CSMD3: variants seen among roughly 807,000 people sequenced by gnomAD.
CSMD3 encodes the protein CUB and Sushi multiple domains 3.
CSMD3 carries 177 observed loss-of-function variants against 435.2 expected under a neutral mutation model. The observed-to-expected ratio is 0.41, with a 90% CI of 0.36 to 0.46. CSMD3 has a LOEUF of 0.46. Among genes scored for constraint, CSMD3 ranks in the 20% least tolerant of loss-of-function variants. The pLI, the probability that CSMD3 is intolerant of heterozygous loss-of-function variation, is 0.34. For missense variants in CSMD3, 4,265 were observed against 4,504.6 expected, an observed-to-expected ratio of 0.95 and a Z score of 1.52; for synonymous variants, 1,656 against 1,520.5, an observed-to-expected ratio of 1.09 and a Z score of -2.07.
chr8:112,376,952 T>G (rs550377076), intron 38 of CSMD3, among the ~76,000 whole-genome samples: 75 of 152,266 alleles, frequency 4.9e-4, no homozygotes, highest in African/African-American at 1.8e-3. Flanking sequence ...ACTCACCTAA[T>G]TACATTTGTG....
chr8:112,313,409 G>A (rs1822166210), intron 49 of CSMD3, among the ~76,000 whole-genome samples: 1 of 152,020 alleles, frequency 6.6e-6, no homozygotes, highest in Non-Finnish European at 1.5e-5. Context: ...CAAAGATTTT[G>A]ACCTCTGTAT....
At chr8:112,333,131 T>G (rs1340082891) in intron 45 of CSMD3, among the ~76,000 whole-genome samples, 1 of 152,166 alleles carries the variant, frequency 6.6e-6, no homozygotes, top group Non-Finnish European at 1.5e-5. Flanking sequence ...AATCAAGGGT[T>G]AAATGAATAT....
chr8:112,477,012 T>G (rs368057903), intron 31 of CSMD3, among the ~76,000 whole-genome samples: 19 of 152,288 alleles, frequency 1.2e-4, no homozygotes, highest in South Asian at 4.1e-4. Context: ...CATAGTAGGC[T>G]CTCCATAAAT....
At chr8:113,262,467 G>A (rs990380440) in intron 3 of CSMD3, among the ~76,000 whole-genome samples, 2 of 151,964 alleles carry the variant, frequency 1.3e-5, no homozygotes, top group Non-Finnish European at 2.9e-5. Flanking sequence ...CATGAGTGCA[G>A]GTGGAATTAT....
At chr8:112,488,432 C>A (rs538030107) in intron 31 of CSMD3, among the ~76,000 whole-genome samples, 5 of 152,240 alleles carry the variant, frequency 3.3e-5, no homozygotes, top group Non-Finnish European at 7.4e-5. Context: ...TAAGAGTCTG[C>A]AGAATATGAT....
At chr8:113,392,906 C>T (rs2133162015) in intron 1 of CSMD3, among the ~76,000 whole-genome samples, 1 of 151,490 alleles carries the variant, frequency 6.6e-6, no homozygotes, top group East Asian at 1.9e-4. Flanking sequence ...ATACTCCTTC[C>T]AATGCACACT....
At chr8:112,861,297 C>T (rs2080820039) in intron 10 of CSMD3, among the ~76,000 whole-genome samples, 1 of 151,842 alleles carries the variant, frequency 6.6e-6, no homozygotes, top group Admixed American at 6.6e-5. Flanking sequence ...CATTACCTAA[C>T]TGCATGAAAG....
intron 3 of CSMD3, among the ~76,000 whole-genome samples, chr8:113,228,646 C>T (rs2093053272): frequency 6.6e-6 from 1 of 151,320 alleles, no homozygotes; most frequent in African/African-American, 2.4e-5. Flanking sequence ...CCTTCTAATC[C>T]TCCCACCTCC....
In CSMD3 at chr8:112,371,868, C is replaced by T. The variant is rs557770475; in HGVS notation, c.6136+8484G>A. On this transcript the variant is annotated intron_variant, in intron 38 of 70. Transcript: ENST00000297405. The stretch of plus-strand genomic sequence containing the variant: ...ACGCACCATTGCACTCCAGCCTGAG[C>T]GACAGAGTGAGACTCTGTCTCAAAA... 7.3e-5 allele frequency among the ~76,000 whole-genome samples: 11 copies of T among 151,390 alleles called. No homozygotes were observed. In the South Asian group the frequency reaches 1.7e-3, roughly 23 times the overall value.
chr8:112,570,543 T>C (rs1158725522), intron 24 of CSMD3, among the ~76,000 whole-genome samples: 1 of 152,206 alleles, frequency 6.6e-6, no homozygotes, highest in Non-Finnish European at 1.5e-5. Context: ...GAAAGTAGCC[T>C]GGGCACAGGT....
intron 10 of CSMD3, among the ~76,000 whole-genome samples, chr8:112,913,110 C>T (rs1053187821): frequency 9.9e-5 from 15 of 151,916 alleles, no homozygotes; most frequent in African/African-American, 3.1e-4. Context: ...AACTCAGGTA[C>T]TTTTTTCTGT....
rs184944431 is a variant in CSMD3, at chr8:112,785,483, T to G, written c.1972+14679A>C. ...AGAAGTCACATTATCTTCATTTACA[T>G]GCAATATAAATTTATATTTGGAAAA... On this transcript the variant is annotated intron_variant, in intron 13 of 70. Transcript: ENST00000297405. Among the ~76,000 whole-genome samples the G allele has an allele frequency of 3.4e-3, 513 of 152,104 alleles. 4 individuals carry two copies. Among genetic ancestry groups the G allele is most frequent in the African/African-American group, 0.011 (444 of 41,546 alleles).
At chr8:112,775,650 T>C (rs1352992158) in intron 13 of CSMD3, among the ~76,000 whole-genome samples, 1 of 151,860 alleles carries the variant, frequency 6.6e-6, no homozygotes, top group African/African-American at 2.4e-5. Context: ...CTCAAAGTCA[T>C]ATGATTATTT....
At chr8:112,843,274 G>A (rs1035288935) in intron 11 of CSMD3, among the ~76,000 whole-genome samples, 1 of 151,684 alleles carries the variant, frequency 6.6e-6, no homozygotes, top group Non-Finnish European at 1.5e-5. Context: ...TGCCTTGAGG[G>A]CTCCTCCCTT....
intron 32 of CSMD3, among the ~76,000 whole-genome samples, chr8:112,416,435 G>T (rs1319669106): frequency 6.6e-6 from 1 of 152,104 alleles, no homozygotes; most frequent in Non-Finnish European, 1.5e-5. Context: ...CCCAGTCTTG[G>T]ATATTTCTGC....
At chr8:112,314,741 TG>T (rs1471629881) in intron 47 of CSMD3, 124 bp from the exon 48 acceptor site, 1 of 729,884 alleles carries the variant, frequency 1.4e-6, no homozygotes, top group African/African-American at 1.8e-5. Context: ...TTGAATTATT[TG>T]TTAGAAGAGA....
chr8:112,885,605 C>T (rs2081567973), intron 10 of CSMD3, among the ~76,000 whole-genome samples: 1 of 151,650 alleles, frequency 6.6e-6, no homozygotes, highest in Non-Finnish European at 1.5e-5. Flanking sequence ...AGAGTCTAAG[C>T]TTTAAAAAAC....
intron 32 of CSMD3, among the ~76,000 whole-genome samples, chr8:112,451,541 CTCT>C (rs1002735166): frequency 1.3e-5 from 2 of 151,276 alleles, no homozygotes; most frequent in African/African-American, 4.9e-5. Flanking sequence ...AAATAATCTT[CTCT>C]TTTTTTTTTT....
chr8:113,004,317 G>T (rs1416614778), intron 6 of CSMD3, among the ~76,000 whole-genome samples: 1 of 151,728 alleles, frequency 6.6e-6, no homozygotes, highest in Non-Finnish European at 1.5e-5. Context: ...TTTAGCCAAA[G>T]AATACAAAAA....
Sources: gnomAD v4.1 joint callset for allele counts (sites outside exome capture counted in the v4.1 genomes callset) on GRCh38, gnomAD v4.1.1 for gene constraint, MANE v1.5 for transcripts, NCBI Gene and HGNC (gene_info 2026-07-23, HGNC 2026-07-21) for gene names.